Variants in TXNRD3 observed in about 807,000 individuals in gnomAD.
The protein encoded by TXNRD3 is TXNRD3 neighbor gene protein.
TXNRD3 carries 68 observed loss-of-function variants against 78.2 expected under a neutral mutation model. The observed-to-expected ratio is 0.87, with a 90% CI of 0.72 to 1.06. The LOEUF (loss-of-function observed/expected upper bound fraction) is 1.06. TXNRD3 is among the 50% of genes least tolerant of loss of function. TXNRD3 has a pLI of 0.00. For missense variants in TXNRD3, 751 were observed against 809.5 expected (o/e 0.93, Z 0.88); for synonymous variants, 296 against 300.1 (o/e 0.99, Z 0.14).
At chr3:126,644,485 G>T in intron 3 of TXNRD3, 84 bp from the exon 4 acceptor site, 2 of 870,804 alleles carry the variant, frequency 2.3e-6, no homozygotes, top group South Asian at 2.0e-5. Context: ...CAACTGGTAT[G>T]GATTTCTTTT....
rs2107626312 is a variant in TXNRD3, at chr3:126,643,859, T to C, written c.592+122A>G. 5 of 971,888 alleles carry C rather than the reference T, an allele frequency of 5.1e-6. No homozygotes were observed. The South Asian group carries it at 6.1e-5, about 12-fold the overall frequency. The allele number at this position is 971,888 out of a possible 1,614,324, so 60.2% of individuals were successfully genotyped here. On this transcript the variant is annotated intron_variant, in intron 5 of 15. Coordinates refer to ENST00000524230, the MANE Select transcript of TXNRD3 (RefSeq NM_052883.3). Reference sequence around the variant, plus strand: ...CTGGGCCAGGCCTAGACTCGCTTGTTTTCTTATCCAAGAAACAGGCGAGTT... The same window carrying C: ...CTGGGCCAGGCCTAGACTCGCTTGTCTTCTTATCCAAGAAACAGGCGAGTT...
In TXNRD3 at chr3:126,654,882, G is replaced by C; in HGVS notation, c.109C>G (p.Arg37Gly). The C allele has an allele frequency of 1.5e-6, 2 of 1,326,612 alleles. No homozygotes were observed. The highest frequency in any genetic ancestry group is 9.6e-7 in the Non-Finnish European group (1 of 1,046,940). The allele number at this position is 1,326,612 out of a possible 1,614,324, so 82.2% of individuals were successfully genotyped here. ...GGCCCGGGGGACGACAGGCGGGCACGGCGCCCCGGCGGCGACAACACGCGC... is the reference window on the plus strand; with the variant it reads ...GGCCCGGGGGACGACAGGCGGGCACCGCGCCCCGGCGGCGACAACACGCGC... The change falls in exon 1 of 16, where the codon CGT becomes GGT. Residue 37 changes from arginine (R) to glycine (G), a missense_variant. Arg to Gly is a moderately radical substitution (Grantham distance 125, BLOSUM62 -2). Transcript: ENST00000524230.
At position 126,622,480 on chromosome 3, in the gene TXNRD3, C is replaced by A; in HGVS notation, c.1351G>T (p.Val451Phe). Reference sequence around the variant, plus strand: ...TATACTTACTTCTCATTAATTTTGACACCAATCTTCTCCAAGCCTATTTTC... The same window carrying A: ...TATACTTACTTCTCATTAATTTTGAAACCAATCTTCTCCAAGCCTATTTTC... Residue 451 changes from valine (V) to phenylalanine (F), a missense_variant, in exon 11 of 16, where the codon GTC becomes TTC. Transcript: ENST00000524230. 1 of 1,535,504 alleles carries A rather than the reference C, an allele frequency of 6.5e-7. No individual in the cohort carries two copies.
At chr3:126,618,256 A>T (rs891812207) in intron 12 of TXNRD3, among the ~76,000 whole-genome samples, 1 of 152,216 alleles carries the variant, frequency 6.6e-6, no homozygotes, top group Non-Finnish European at 1.5e-5. Flanking sequence ...AAGAAGCCAA[A>T]TAGCGAAAGT....
In TXNRD3 at chr3:126,621,765, G is replaced by C; in HGVS notation, c.1501C>G (p.Leu501Val). 6.6e-7 allele frequency: 1 copy of C among 1,519,498 alleles called. No homozygotes were observed. The highest frequency in any genetic ancestry group is 8.8e-7 in the Non-Finnish European group (1 of 1,142,418). 94.1% of individuals were successfully genotyped at this position (1,519,498 alleles called of 1,614,324 possible). Residue 501 changes from leucine to valine, a missense_variant, in exon 12 of 16, where the codon CTT becomes GTT. Physicochemically the swap from Leu to Val is conservative, Grantham distance 32 (BLOSUM62 1). Transcript: ENST00000524230. ...ACCTTTTCTAAAGAGGCCCCAAAAA[G>C]TCTCTGAGCTAGCAGCTTGCCTGAC...
In TXNRD3 at chr3:126,637,924, T is replaced by TTCTC. The variant is rs1303475079; in HGVS notation, c.713-3877_713-3874dup. On this transcript the variant is annotated intron_variant, in intron 6 of 15. Coordinates refer to ENST00000524230, the MANE Select transcript of TXNRD3 (RefSeq NM_052883.3). ...ATTATAAACTTATTTTAACCTATAT[T>TTCTC]TCTCTCTCTTTTTTTTTTTTTTTTT... 3.5e-4 allele frequency among the ~76,000 whole-genome samples: 49 copies of TTCTC among 141,010 alleles called. No individual in the cohort carries two copies. The East Asian group carries it at 4.0e-3, about 11-fold the overall frequency. 92.5% of individuals were successfully genotyped at this position (141,010 alleles called of 152,430 possible).
At chr3:126,654,647 C>A (rs777246) in intron 1 of TXNRD3, 101 bp downstream of exon 1, 615,451 of 678,654 alleles carry the variant, frequency 0.91, 281,442 homozygotes, top group Non-Finnish European at 0.94. Context: ...CGCCGCAGCC[C>A]GGGACCCGCG....
intron 1 of TXNRD3, among the ~76,000 whole-genome samples, chr3:126,653,753 T>C (rs747769320): frequency 5.9e-5 from 9 of 152,172 alleles, no homozygotes; most frequent in Non-Finnish European, 1.2e-4. Flanking sequence ...CGTGCAAGAA[T>C]AAACATATAG....
At chr3:126,608,359 T>C in intron 15 of TXNRD3, 140 bp downstream of exon 15, 1 of 1,046,208 alleles carries the variant, frequency 9.6e-7, no homozygotes, top group Non-Finnish European at 1.3e-6. Flanking sequence ...AGACCCTGTC[T>C]GAAAAAAATA....
intron 3 of TXNRD3, among the ~76,000 whole-genome samples, chr3:126,645,603 A>G (rs552576691): frequency 6.6e-6 from 1 of 152,346 alleles, no homozygotes; most frequent in South Asian, 2.1e-4. Context: ...TAGAATTTTA[A>G]TAAAAGTAAA....
intron 10 of TXNRD3, among the ~76,000 whole-genome samples, chr3:126,628,988 ATTGT>A (rs1163979206): frequency 6.6e-6 from 1 of 152,094 alleles, no homozygotes; most frequent in Non-Finnish European, 1.5e-5. Context: ...GTTATTTCAC[ATTGT>A]TTGGAGATTT....
intron 3 of TXNRD3, among the ~76,000 whole-genome samples, 193 bp downstream of exon 3, chr3:126,645,918 G>T (rs1347875858): frequency 6.6e-6 from 1 of 152,168 alleles, no homozygotes; most frequent in Non-Finnish European, 1.5e-5. Flanking sequence ...AAAAATCCTA[G>T]CTTCTGAAGT....
In TXNRD3 at chr3:126,622,474, T is replaced by C; in HGVS notation, c.1357A>G (p.Ile453Val). The C allele has an allele frequency of 6.5e-7, 1 of 1,535,488 alleles. No individual in the cohort carries two copies. The stretch of plus-strand genomic sequence containing the variant: ...TCCCAATATACTTACTTCTCATTAA[T>C]TTTGACACCAATCTTCTCCAAGCCT... Residue 453 changes from isoleucine (I) to valine (V), a missense_variant, in exon 11 of 16, where the codon ATT (isoleucine) becomes GTT (valine). Physicochemically the swap from Ile to Val is conservative, Grantham distance 29. Transcript: ENST00000524230.
intron 6 of TXNRD3, among the ~76,000 whole-genome samples, chr3:126,641,207 C>A (rs926138627): frequency 6.6e-6 from 1 of 152,148 alleles, no homozygotes; most frequent in Non-Finnish European, 1.5e-5. Context: ...AAATAAGCAT[C>A]ATTTTCTTTA....
chr3:126,634,806 A>T (rs560777307), intron 6 of TXNRD3, among the ~76,000 whole-genome samples: 1 of 152,262 alleles, frequency 6.6e-6, no homozygotes, highest in African/African-American at 2.4e-5. Context: ...CAAACCAACA[A>T]CCTGAGGTCA....
At chr3:126,646,913 G>C (rs570915379) in intron 2 of TXNRD3, among the ~76,000 whole-genome samples, 1 of 152,174 alleles carries the variant, frequency 6.6e-6, no homozygotes, top group Non-Finnish European at 1.5e-5. Context: ...AAATGGGAGC[G>C]GATCCTTTTC....
Position 126,634,070 on chromosome 3 carries a change from G to T in TXNRD3, c.713-19C>A. Reference sequence around the variant, plus strand: ...TGCCTCACTAAGAAGAAATAATCAGGGTGAAGATGTTAGGTGAATTTTACC... The same window carrying T: ...TGCCTCACTAAGAAGAAATAATCAGTGTGAAGATGTTAGGTGAATTTTACC... On this transcript the variant is annotated intron_variant, in intron 6 of 15. Coordinates refer to ENST00000524230, the MANE Select transcript of TXNRD3 (RefSeq NM_052883.3). 6.8e-7 allele frequency: 1 copy of T among 1,469,088 alleles called. No individual in the cohort carries two copies. Among genetic ancestry groups the T allele is most frequent in the Non-Finnish European group, 9.0e-7 (1 of 1,112,468 alleles). 91.0% of individuals were successfully genotyped at this position (1,469,088 alleles called of 1,614,324 possible).
chr3:126,609,490 G>A (rs895240511), intron 14 of TXNRD3, among the ~76,000 whole-genome samples: 1 of 152,146 alleles, frequency 6.6e-6, no homozygotes, highest in South Asian at 2.1e-4. Flanking sequence ...GTGGTGGGTT[G>A]CTCAGCAAGC....
In TXNRD3 at chr3:126,647,219, G is replaced by A; in HGVS notation, c.304+17C>T. On this transcript the variant is annotated intron_variant, in intron 2 of 15. Coordinates refer to ENST00000524230, the MANE Select transcript of TXNRD3 (RefSeq NM_052883.3). The stretch of plus-strand genomic sequence containing the variant: ...CATTTATTATAAACAACACTATGTT[G>A]TAACTGGTCTACTTACCAACTTGAT... 2 of 1,524,086 alleles carry A rather than the reference G, an allele frequency of 1.3e-6. No homozygotes were observed. Among genetic ancestry groups the A allele is most frequent in the South Asian group, 2.4e-5 (2 of 83,206 alleles). 94.4% of individuals were successfully genotyped at this position (1,524,086 alleles called of 1,614,324 possible).
Sources: gnomAD v4.1 joint callset for allele counts (sites outside exome capture counted in the v4.1 genomes callset) on GRCh38, gnomAD v4.1.1 for gene constraint, MANE v1.5 for transcripts, NCBI Gene and HGNC (gene_info 2026-07-23, HGNC 2026-07-21) for gene names.